Variants in SPTBN1 observed in about 807,000 individuals in gnomAD.
SPTBN1 encodes the protein spectrin beta chain, non-erythrocytic 1.
Under a neutral mutation model 266.4 loss-of-function variants are expected in SPTBN1, and 32 were observed. The observed-to-expected ratio is 0.12, with a 90% confidence interval of 0.09 to 0.16. The LOEUF (loss-of-function observed/expected upper bound fraction) is 0.16. Ranked by LOEUF, SPTBN1 falls within the 10% of genes least tolerant of loss-of-function variation. SPTBN1 has a pLI of 1.00. For missense variants in SPTBN1, 2,296 were observed against 3,067.1 expected, an observed-to-expected ratio of 0.75 and a Z score of 5.94; for synonymous variants, 1,336 against 1,162.2, an observed-to-expected ratio of 1.15 and a Z score of -3.04.
chr2:54,642,991 C>G lies in SPTBN1; in HGVS notation c.3867C>G (p.Leu1289=). 6.2e-7 allele frequency: 1 copy of G among 1,613,236 alleles called. No homozygotes were observed. Among genetic ancestry groups the G allele is most frequent in the Non-Finnish European group, 8.5e-7 (1 of 1,179,498 alleles). The change falls in exon 19 of 36, where the codon CTC becomes CTG. Residue 1289 remains leucine, a synonymous_variant. Coordinates refer to ENST00000356805, the MANE Select transcript of SPTBN1 (RefSeq NM_003128.3). ...TTCTGATCTTTCTGTAGCTGTCTCT[C>G]TGGATCAATGAGAAGATGCTCACAG... The part of the protein sequence containing the change: ...KFLQDCQELS[L]WINEKMLTAQ...
chr2:54,629,615 C>T lies in SPTBN1; in HGVS notation c.2481C>T (p.Ile827=), dbSNP rs369223422. ...SPDVRGRLSG[I]EERYKEVAEL... is the part of the protein sequence containing the mutation. ...ACGTGAGGGGCAGGCTGTCGGGCAT[C>T]GAGGAGCGGTATAAGGAGGTGGCAG... The change falls in exon 14 of 36, where the codon ATC becomes ATT. Residue 827 remains isoleucine, a synonymous_variant. Transcript: ENST00000356805. The T allele has an allele frequency of 2.5e-6, 4 of 1,613,800 alleles. No individual in the cohort carries two copies. Among genetic ancestry groups the T allele is most frequent in the Admixed American group, 1.7e-5 (1 of 60,018 alleles).
chr2:54,666,755 GTTGCTT>G (rs1233614485), intron 34 of SPTBN1, among the ~76,000 whole-genome samples: 1 of 152,206 alleles, frequency 6.6e-6, no homozygotes, highest in African/African-American at 2.4e-5. Context: ...GATTTGTGCT[GTTGCTT>G]TGGGATCTGA....
chr2:54,599,370 G>T (rs896978157), intron 3 of SPTBN1, 127 bp downstream of exon 3: 34 of 1,168,576 alleles, frequency 2.9e-5, no homozygotes, highest in Non-Finnish European at 4.2e-5. Context: ...ATCTTGAGAA[G>T]TGAGTTGAGC....
rs749616363 is a variant in SPTBN1 at position 54,657,862 on chromosome 2, A to G, written c.6059A>G (p.His2020Arg). 3.7e-6 allele frequency: 6 copies of G among 1,614,128 alleles called. No individual in the cohort carries two copies. The highest frequency in any genetic ancestry group is 1.7e-6 in the Non-Finnish European group (2 of 1,180,052). Reference sequence around the variant, plus strand: ...GTACCCTGTGCAGTTCTGGAGGTCCATCAGTTCTCAAGAGACGCCAGTGTG... The same window carrying G: ...GTACCCTGTGCAGTTCTGGAGGTCCGTCAGTTCTCAAGAGACGCCAGTGTG... ...WEWLRLILEV[H>R]QFSRDASVAE... is the part of the protein sequence containing the mutation. Residue 2020 changes from histidine (H) to arginine (R), a missense_variant, in exon 30 of 36, where the codon CAT (histidine) becomes CGT (arginine). Coordinates refer to ENST00000356805, the MANE Select transcript of SPTBN1 (RefSeq NM_003128.3).
At chr2:54,508,383 CG>C in intron 1 of SPTBN1, among the ~76,000 whole-genome samples, 1 of 152,230 alleles carries the variant, frequency 6.6e-6, no homozygotes, top group East Asian at 1.9e-4. Flanking sequence ...GGCAAATCCC[CG>C]AGCTTGATGT....
intron 1 of SPTBN1, among the ~76,000 whole-genome samples, chr2:54,501,909 T>G (rs1669291412): frequency 6.6e-6 from 1 of 152,214 alleles, no homozygotes; most frequent in Admixed American, 6.5e-5. Flanking sequence ...GATCACGTTT[T>G]GGTAAGTATT....
At chr2:54,560,184 G>C (rs1673189650) in intron 2 of SPTBN1, among the ~76,000 whole-genome samples, 1 of 134,658 alleles carries the variant, frequency 7.4e-6, no homozygotes, top group African/African-American at 3.3e-5. Flanking sequence ...AGAGGAGTTG[G>C]GGTGGGGGGG....
chr2:54,647,289 C>A (rs763546358), intron 24 of SPTBN1, 28 bp downstream of exon 24: 3 of 1,610,312 alleles, frequency 1.9e-6, no homozygotes, highest in African/African-American at 2.7e-5. Context: ...AGTGTGAGAC[C>A]CGGCTCTCGA....
chr2:54,498,266 C>A (rs1364140826), intron 1 of SPTBN1, among the ~76,000 whole-genome samples: 1 of 152,186 alleles, frequency 6.6e-6, no homozygotes, highest in African/African-American at 2.4e-5. Flanking sequence ...GTTCGGTAGA[C>A]TTGCTGCCGG....
At chr2:54,484,019 ACT>A (rs1052642198) in intron 1 of SPTBN1, among the ~76,000 whole-genome samples, 8 of 151,924 alleles carry the variant, frequency 5.3e-5, no homozygotes, top group Admixed American at 5.2e-4. Flanking sequence ...ACATGGTGAA[ACT>A]CTGTCTCTGC....
rs1317433290 is a variant in SPTBN1 at position 54,649,107 on chromosome 2, G to C, written c.5119G>C (p.Val1707Leu). 6.2e-7 allele frequency: 1 copy of C among 1,614,158 alleles called. No homozygotes were observed. The highest frequency in any genetic ancestry group is 8.5e-7 in the Non-Finnish European group (1 of 1,179,998). ...CAGGTTATTCCAGCTCAACCGGGAG[G>C]TGGACGACCTGGAGCAGTGGATCGC... ...RHRLFQLNREVDDLEQWIAER... is the reference protein window; with the variant it reads ...RHRLFQLNRELDDLEQWIAER... The change falls in exon 25 of 36, where the codon GTG becomes CTG. Residue 1707 changes from valine (V) to leucine (L), a missense_variant. Physicochemically the swap from Val to Leu is conservative, Grantham distance 32 (BLOSUM62 1). This residue lies in a region of SPTBN1 where 644 missense variants were observed against 745.3 expected (regional missense o/e 0.86). Transcript: ENST00000356805. This position sits in a 1 kb window ranked among gnomAD's most constrained non-coding sequence, Gnocchi z 6.7.
Position 54,653,616 on chromosome 2 carries a change from A to G in SPTBN1, c.5585A>G (p.Gln1862Arg). Residue 1862 changes from glutamine to arginine, a missense_variant, in exon 27 of 36, where the codon CAG becomes CGG. This residue lies in a region of SPTBN1 where 644 missense variants were observed against 745.3 expected (regional missense o/e 0.86). Transcript: ENST00000356805. The surrounding 1 kb of genome is among the most constrained non-coding windows in gnomAD (Gnocchi z 5.1). ...DIQALGTQVR[Q>R]LQEDAARLQA... ...CCCTACATGGCTTCACAGGTGAGGC[A>G]GCTGCAGGAGGATGCAGCCCGCCTC... The G allele has an allele frequency of 6.2e-7, 1 of 1,613,396 alleles. No homozygotes were observed. The highest frequency in any genetic ancestry group is 8.5e-7 in the Non-Finnish European group (1 of 1,179,830).
chr2:54,614,810 A>G (rs1241539059), intron 4 of SPTBN1, among the ~76,000 whole-genome samples: 1 of 151,958 alleles, frequency 6.6e-6, no homozygotes, highest in Non-Finnish European at 1.5e-5. Context: ...AAAAAAAAAA[A>G]GTAAAAGATG....
At chr2:54,497,498 A>G (rs1669032311) in intron 1 of SPTBN1, among the ~76,000 whole-genome samples, 1 of 152,158 alleles carries the variant, frequency 6.6e-6, no homozygotes, top group South Asian at 2.1e-4. Flanking sequence ...TTCTTCTACC[A>G]TACTTTACCT....
intron 1 of SPTBN1, among the ~76,000 whole-genome samples, chr2:54,491,206 C>G (rs1255367586): frequency 1.3e-5 from 2 of 152,192 alleles, no homozygotes; most frequent in Non-Finnish European, 2.9e-5. Context: ...ATAAACTTAA[C>G]CGACAGGAAG....
rs760932046 is a variant in SPTBN1, at chr2:54,526,423, C to T, written c.5C>T (p.Thr2Met). The T allele has an allele frequency of 9.9e-6, 16 of 1,613,940 alleles. No individual in the cohort carries two copies. The highest frequency in any genetic ancestry group is 1.3e-5 in the Non-Finnish European group (15 of 1,179,904). ...GAGCAGCTGAGACAGTTCAAGATGA[C>T]GACCACAGTAGCCACAGACTATGAC... is the stretch of plus-strand genomic sequence containing the variant. M[T>M]TTVATDYDNI... is the part of the protein sequence containing the mutation. Residue 2 changes from threonine (T) to methionine (M), a missense_variant, in exon 2 of 36, where the codon ACG becomes ATG. Physicochemically the swap from Thr to Met is moderately conservative, Grantham distance 81. Transcript: ENST00000356805.
chr2:54,576,074 A>ATTTTTTTTTTTTTTTTTTTTTTTTTTTT lies in SPTBN1; in HGVS notation c.149-23018_149-23017insTTTTTTTTTTTTTTTTTTTTTTTTTTTT, dbSNP rs1209132160. Among the ~76,000 whole-genome samples the ATTTTTTTTTTTTTTTTTTTTTTTTTTTT allele has an allele frequency of 6.1e-4, 57 of 93,846 alleles. 17 individuals are homozygous for ATTTTTTTTTTTTTTTTTTTTTTTTTTTT. The highest frequency in any genetic ancestry group is 1.5e-3 in the Admixed American group (11 of 7,172). The allele number at this position is 93,846 out of a possible 152,430, so 61.6% of individuals were successfully genotyped here. ...ATCCAGCTTTTTTTTTTTTTTTTTG[A>ATTTTTTTTTTTTTTTTTTTTTTTTTTTT]GAGACAGTCTGGCTGTGTCTCCCAG... On this transcript the variant is annotated intron_variant, in intron 2 of 35. Coordinates refer to ENST00000356805, the MANE Select transcript of SPTBN1 (RefSeq NM_003128.3).
chr2:54,515,881 C>T (rs1467066505), intron 1 of SPTBN1: 1 of 152,062 alleles, frequency 6.6e-6, no homozygotes, highest in African/African-American at 2.4e-5. Flanking sequence ...GCCATAGATA[C>T]ATTATATATC....
chr2:54,609,718 C>T (rs1183417519), intron 3 of SPTBN1, among the ~76,000 whole-genome samples: 1 of 152,206 alleles, frequency 6.6e-6, no homozygotes, highest in Admixed American at 6.5e-5. Flanking sequence ...GGGGCATTAT[C>T]CAATACCAAA....
Sources: allele counts gnomAD v4.1 joint callset (sites outside exome capture counted in the v4.1 genomes callset), GRCh38; gene constraint gnomAD v4.1.1; regional missense constraint gnomAD v4.1.1; non-coding constraint Gnocchi (gnomAD v3.1); transcripts MANE v1.5; gene names NCBI Gene and HGNC (gene_info 2026-07-23, HGNC 2026-07-21).